REDIC1: variants seen among roughly 807,000 people sequenced by gnomAD.
REDIC1 encodes the protein HEI10 Interacting Protein 1.
the REDIC1 span, among the ~76,000 whole-genome samples, chr12:39,775,804 T>C: frequency 6.6e-6 from 1 of 152,170 alleles, no homozygotes; most frequent in African/African-American, 2.4e-5. Context: ...CTTATACAGG[T>C]TGTGTATCCC....
At chr12:39,653,554 C>CTTT in the REDIC1 span, among the ~76,000 whole-genome samples, 1 of 88,006 alleles carries the variant, frequency 1.1e-5, no homozygotes, top group African/African-American at 3.8e-5. Flanking sequence ...TCTTCTTCTT[C>CTTT]TTCTTTCTTC....
chr12:39,720,158 G>T, the REDIC1 span, among the ~76,000 whole-genome samples: 2 of 151,666 alleles, frequency 1.3e-5, no homozygotes, highest in Non-Finnish European at 2.9e-5. Context: ...AGTTCTTAAA[G>T]GTTGTCTTTT....
the REDIC1 span, among the ~76,000 whole-genome samples, chr12:39,776,282 C>T: frequency 6.3e-5 from 5 of 79,606 alleles, no homozygotes; most frequent in South Asian, 4.0e-4. Flanking sequence ...CACTGCTTCC[C>T]CGCTTAGGAG....
the REDIC1 span, among the ~76,000 whole-genome samples, chr12:39,888,899 CTA>C: frequency 2.6e-5 from 4 of 152,084 alleles, no homozygotes; most frequent in African/African-American, 9.7e-5. Context: ...ATAAAAATAA[CTA>C]AAATTATTTC....
chr12:39,686,269 C>A, the REDIC1 span, among the ~76,000 whole-genome samples: 5 of 152,218 alleles, frequency 3.3e-5, no homozygotes, highest in African/African-American at 1.2e-4. Flanking sequence ...ATGATAGTTC[C>A]ACCTGTGTAA....
the REDIC1 span, among the ~76,000 whole-genome samples, chr12:39,733,338 A>G: frequency 2.6e-5 from 4 of 152,170 alleles, no homozygotes; most frequent in Non-Finnish European, 5.9e-5. Context: ...TTTTGTAAAA[A>G]TTAGAGTCCA....
At chr12:39,871,659 T>A in the REDIC1 span, 1 of 795,070 alleles carries the variant, frequency 1.3e-6, no homozygotes, top group Non-Finnish European at 1.8e-6. Context: ...TCTTTTTTGG[T>A]CTAGAAGAAC....
the REDIC1 span, among the ~76,000 whole-genome samples, chr12:39,722,121 GTTTC>G: frequency 6.6e-6 from 1 of 152,014 alleles, no homozygotes; most frequent in South Asian, 2.1e-4. Context: ...ATTGTTAGAG[GTTTC>G]TTTGCCTTTA....
At chr12:39,770,541 A>G in the REDIC1 span, among the ~76,000 whole-genome samples, 1 of 152,176 alleles carries the variant, frequency 6.6e-6, no homozygotes, top group Non-Finnish European at 1.5e-5. Context: ...TTTAGCGGGC[A>G]CTGGCATGGT....
chr12:39,643,411 G>A, the REDIC1 span, among the ~76,000 whole-genome samples: 1 of 151,264 alleles, frequency 6.6e-6, no homozygotes, highest in Non-Finnish European at 1.5e-5. Context: ...GGTTTTCTAT[G>A]TCTGCAGAAT....
At chr12:39,873,812 G>A in the REDIC1 span, among the ~76,000 whole-genome samples, 1 of 152,092 alleles carries the variant, frequency 6.6e-6, no homozygotes, top group African/African-American at 2.4e-5. Context: ...AGTATTTTAG[G>A]TACTTAAGTT....
chr12:39,643,357 A>G, the REDIC1 span, among the ~76,000 whole-genome samples: 2 of 151,166 alleles, frequency 1.3e-5, no homozygotes, highest in African/African-American at 4.8e-5. Flanking sequence ...TTTTTTCTTC[A>G]TTTCTGTTGA....
At chr12:39,786,904 G>A in the REDIC1 span, among the ~76,000 whole-genome samples, 1 of 152,126 alleles carries the variant, frequency 6.6e-6, no homozygotes, top group Non-Finnish European at 1.5e-5. Context: ...ACTTACCTTT[G>A]TTCTTGGCAT....
the REDIC1 span, chr12:39,647,809 A>G: frequency 5.0e-6 from 8 of 1,591,830 alleles, no homozygotes; most frequent in African/African-American, 1.4e-5. Flanking sequence ...GCATGGACTC[A>G]TATAGTATGC....
the REDIC1 span, among the ~76,000 whole-genome samples, chr12:39,781,093 C>CT: frequency 1.7e-4 from 26 of 152,012 alleles, no homozygotes; most frequent in Middle Eastern, 3.4e-3. Flanking sequence ...CTGCAATTGC[C>CT]TTTTTTTTAC....
At chr12:39,830,130 G>A in the REDIC1 span, 6 of 1,613,692 alleles carry the variant, frequency 3.7e-6, no homozygotes, top group Non-Finnish European at 5.1e-6. Context: ...ATTTGTAGAT[G>A]CTTTATTAAC....
At chr12:39,728,763 A>C in the REDIC1 span, among the ~76,000 whole-genome samples, 1 of 141,306 alleles carries the variant, frequency 7.1e-6, no homozygotes, top group African/African-American at 2.7e-5. Flanking sequence ...TCGGCTCTGA[A>C]TCCATCTGGT....
the REDIC1 span, among the ~76,000 whole-genome samples, chr12:39,906,876 G>T: frequency 6.6e-6 from 1 of 151,926 alleles, no homozygotes; most frequent in South Asian, 2.1e-4. Flanking sequence ...AATTATGAGG[G>T]AAGATAAAGT....
chr12:39,764,417 T>C, the REDIC1 span: 4 of 1,473,328 alleles, frequency 2.7e-6, no homozygotes, highest in Non-Finnish European at 3.6e-6. Flanking sequence ...AAAATAGTGA[T>C]AAAAATAAAA....
Sources: allele counts gnomAD v4.1 joint callset (sites outside exome capture counted in the v4.1 genomes callset), GRCh38; gene constraint gnomAD v4.1.1; transcripts MANE v1.5; gene names NCBI Gene and HGNC (gene_info 2026-07-23, HGNC 2026-07-21).